Variants in VPS13D observed in about 807,000 individuals in gnomAD.
The protein encoded by VPS13D is intermembrane lipid transfer protein VPS13D.
VPS13D carries 187 observed loss-of-function variants against 461.9 expected under a neutral mutation model. The observed-to-expected ratio is 0.40, with a 90% CI of 0.36 to 0.46. The LOEUF (loss-of-function observed/expected upper bound fraction) is 0.46, where lower values mean the gene tolerates loss of function less well. Ranked by LOEUF, VPS13D falls within the 20% of genes least tolerant of loss-of-function variation. VPS13D has a pLI of 0.60. For synonymous variants in VPS13D, 1,951 were observed against 1,986.3 expected (o/e 0.98, Z 0.47); for missense variants, 4,711 against 5,364.9 (o/e 0.88, Z 3.81).
At chr1:12,267,956 A>C (rs751895045) in intron 15 of VPS13D, 36 bp downstream of exon 15, 3 of 1,540,972 alleles carry the variant, frequency 1.9e-6, no homozygotes, top group Non-Finnish European at 2.6e-6. Flanking sequence ...AAAATTTTTA[A>C]ATTTTTTAAA....
At chr1:12,453,726 G>C (rs1380986840) in intron 65 of VPS13D, 3 of 152,154 alleles carry the variant, frequency 2.0e-5, no homozygotes, top group African/African-American at 7.2e-5. Flanking sequence ...GAGACTGTCA[G>C]TTCTTGAGGG....
At chr1:12,313,803 A>T (rs1209124845) in intron 29 of VPS13D, among the ~76,000 whole-genome samples, 2 of 152,158 alleles carry the variant, frequency 1.3e-5, no homozygotes, top group Admixed American at 1.3e-4. Flanking sequence ...GCCTTCTTAG[A>T]CTTCTGATGG....
chr1:12,309,558 A>G lies in VPS13D; in HGVS notation c.6650+917A>G, dbSNP rs1223872115. ...CAGATCACAAGTTCAGGAGTTCAAG[A>G]CCAGCCTGGCCAACATGGTGAAACC... On this transcript the variant is annotated intron_variant, in intron 27 of 69. Transcript: ENST00000620676. Among the ~76,000 whole-genome samples the G allele has an allele frequency of 2.8e-5, 4 of 140,748 alleles. No homozygotes were observed. In the East Asian group the frequency reaches 7.5e-4, roughly 26 times the overall value. The allele number at this position is 140,748 out of a possible 152,430, so 92.3% of individuals were successfully genotyped here.
At chr1:12,282,504 G>A (rs1028200845) in intron 20 of VPS13D, among the ~76,000 whole-genome samples, 1 of 152,300 alleles carries the variant, frequency 6.6e-6, no homozygotes, top group East Asian at 1.9e-4. Context: ...AGATTATTGT[G>A]TAGGGTGCTG....
chr1:12,433,260 A>G (rs1176649928), intron 65 of VPS13D, among the ~76,000 whole-genome samples: 1 of 147,548 alleles, frequency 6.8e-6, no homozygotes, highest in African/African-American at 2.5e-5. Context: ...CGCTTGGGGA[A>G]AAAAAAAAAA....
chr1:12,261,904 C>G lies in VPS13D; in HGVS notation c.1418C>G (p.Thr473Ser). ...TCTTTTCTCCCTTACCATTTAGGCA[C>G]TGAGGAGTTTTTTGACCCCACTGCA... ...EQWIPEEILG[T>S]EEFFDPTADA... The change falls in exon 13 of 70, where the codon ACT becomes AGT. Residue 473 changes from threonine to serine, a missense_variant. Transcript: ENST00000620676. 1 of 1,607,944 alleles carries G rather than the reference C, an allele frequency of 6.2e-7. No homozygotes were observed. The highest frequency in any genetic ancestry group is 8.5e-7 in the Non-Finnish European group (1 of 1,175,892).
chr1:12,415,693 C>T lies in VPS13D; in HGVS notation c.12165+472C>T, dbSNP rs116296275. 6.0e-3 allele frequency among the ~76,000 whole-genome samples: 921 copies of T among 152,264 alleles called. 5 individuals are homozygous for T. The highest frequency in any genetic ancestry group is 8.5e-3 in the Non-Finnish European group (575 of 68,024). ...AAAAGTAAAGGCAAGGCATAATCTTCAATGAATAGATAGGTCAAGATCGTA... is the reference window on the plus strand; with the variant it reads ...AAAAGTAAAGGCAAGGCATAATCTTTAATGAATAGATAGGTCAAGATCGTA... On this transcript the variant is annotated intron_variant, in intron 64 of 69. Coordinates refer to ENST00000620676, the MANE Select transcript of VPS13D (RefSeq NM_015378.4).
At position 12,322,889 on chromosome 1, in the gene VPS13D, CT is replaced by C. The variant is rs925919750; in HGVS notation, c.7915+144del. ...ATAACTGTAAGTCCTAAGTATGACT[CT>C]CTCATTTTTTAAAATTTAAAAACAA... is the stretch of plus-strand genomic sequence containing the variant. On this transcript the variant is annotated intron_variant, in intron 34 of 69. Coordinates refer to ENST00000620676, the MANE Select transcript of VPS13D (RefSeq NM_015378.4). 1.4e-5 allele frequency: 10 copies of C among 707,598 alleles called. No individual in the cohort carries two copies. In the Admixed American group the frequency reaches 2.6e-4, roughly 19 times the overall value. The allele number at this position is 707,598 out of a possible 1,614,324, so 43.8% of individuals were successfully genotyped here.
chr1:12,253,893 A>G, intron 7 of VPS13D, 67 bp downstream of exon 7: 1 of 1,293,260 alleles, frequency 7.7e-7, no homozygotes, highest in Non-Finnish European at 1.1e-6. Context: ...GGTCACTGCC[A>G]CGGGGGCTTT....
intron 39 of VPS13D, chr1:12,338,020 C>A: frequency 2.3e-6 from 1 of 440,586 alleles, no homozygotes. Flanking sequence ...TACTTTGATC[C>A]AGCCTCCACA....
chr1:12,254,141 T>A (rs982107028), intron 7 of VPS13D, among the ~76,000 whole-genome samples: 1 of 152,268 alleles, frequency 6.6e-6, no homozygotes, highest in Admixed American at 6.5e-5. Context: ...CTCTGACCAC[T>A]GCATAGTATT....
chr1:12,266,195 A>G (rs1411623320), intron 13 of VPS13D, among the ~76,000 whole-genome samples: 1 of 152,162 alleles, frequency 6.6e-6, no homozygotes, highest in Non-Finnish European at 1.5e-5. Context: ...AAAGGAAATG[A>G]CAATAAAGTT....
At chr1:12,500,272 T>C (rs1036801423) in intron 68 of VPS13D, 4 of 959,138 alleles carry the variant, frequency 4.2e-6, no homozygotes, top group Non-Finnish European at 5.0e-6. Context: ...ATTAATCATA[T>C]ATTCCTCTGA....
intron 30 of VPS13D, among the ~76,000 whole-genome samples, chr1:12,316,298 A>G (rs140212950): frequency 1.3e-3 from 196 of 152,266 alleles, no homozygotes; most frequent in African/African-American, 4.7e-3. Context: ...CAGAAATACT[A>G]TTGTTAGCAA....
chr1:12,385,569 C>CATA (rs1173958943), intron 59 of VPS13D, among the ~76,000 whole-genome samples, 196 bp downstream of exon 59: 1 of 149,122 alleles, frequency 6.7e-6, no homozygotes, highest in African/African-American at 2.6e-5. Flanking sequence ...GTGGAATCAG[C>CATA]ATGTAGTAAG....
chr1:12,362,503 C>T (rs1643966020), intron 50 of VPS13D, among the ~76,000 whole-genome samples: 1 of 152,174 alleles, frequency 6.6e-6, no homozygotes. Context: ...TTGATCTTGC[C>T]TCTGAACCTT....
chr1:12,370,518 A>T (rs1271976743), intron 54 of VPS13D, among the ~76,000 whole-genome samples: 2 of 152,178 alleles, frequency 1.3e-5, no homozygotes, highest in Admixed American at 6.5e-5. Context: ...CCAGAAAATA[A>T]TCTCTGGGTT....
intron 47 of VPS13D, among the ~76,000 whole-genome samples, chr1:12,355,501 A>C (rs1369483346): frequency 6.6e-6 from 1 of 152,250 alleles, no homozygotes; most frequent in Non-Finnish European, 1.5e-5. Flanking sequence ...TGATCATTTC[A>C]CAATGTGTAT....
At chr1:12,439,285 G>C (rs900526822) in intron 65 of VPS13D, among the ~76,000 whole-genome samples, 5 of 152,100 alleles carry the variant, frequency 3.3e-5, no homozygotes, top group African/African-American at 9.7e-5. Flanking sequence ...TGTTCTCGCT[G>C]CTTCTCAACC....
Sources: allele counts gnomAD v4.1 joint callset (sites outside exome capture counted in the v4.1 genomes callset), GRCh38; gene constraint gnomAD v4.1.1; transcripts MANE v1.5; gene names NCBI Gene and HGNC (gene_info 2026-07-23, HGNC 2026-07-21).